NDUFA10: variants seen among roughly 807,000 people sequenced by gnomAD.
NDUFA10 encodes the protein NADH:ubiquinone oxidoreductase subunit A10, also known as NADH dehydrogenase [ubiquinone] 1 alpha subcomplex subunit 10, mitochondrial.
In NDUFA10, 40 loss-of-function variants were observed where a neutral mutation model predicts 47.8. The observed-to-expected ratio is 0.84, with a 90% CI of 0.65 to 1.09. The LOEUF (loss-of-function observed/expected upper bound fraction) is 1.09. NDUFA10 is among the 50% of genes least tolerant of loss of function. The pLI is 0.00. For missense variants in NDUFA10, 413 were observed against 451.1 expected, an observed-to-expected ratio of 0.92 and a Z score of 0.76; for synonymous variants, 183 against 172.2, an observed-to-expected ratio of 1.06 and a Z score of -0.49.
chr2:240,013,129 G>A (rs1232481611), intron 5 of NDUFA10: 1 of 152,216 alleles, frequency 6.6e-6, no homozygotes, highest in Admixed American at 6.5e-5. Context: ...AAAATATGTA[G>A]TTATTGATCA....
chr2:239,926,916 C>T (rs56101578), intron 4 of NDUFA10, among the ~76,000 whole-genome samples: 2,895 of 152,284 alleles, frequency 0.019, 46 homozygotes, highest in Non-Finnish European at 0.029. Flanking sequence ...AAGCAAGACA[C>T]GTCTTACATG....
At position 239,906,142 on chromosome 2, in the gene NDUFA10, C is replaced by T. The variant is rs973094544; in HGVS notation, c.295-10828G>A. Among the ~76,000 whole-genome samples the T allele has an allele frequency of 2.0e-5, 3 of 152,128 alleles. No individual in the cohort carries two copies. Among genetic ancestry groups the T allele is most frequent in the African/African-American group, 7.2e-5 (3 of 41,410 alleles). On this transcript the variant is annotated intron_variant, in intron 4 of 5. Transcript: ENST00000419408. The surrounding 1 kb of genome is among the most constrained non-coding windows in gnomAD (Gnocchi z 4.3). Reference sequence around the variant, plus strand: ...TGACCTTCGGGGGCTCTGGGCGGGCCCTGCTCTGTGCCTAGATATTTCACA... The same window carrying T: ...TGACCTTCGGGGGCTCTGGGCGGGCTCTGCTCTGTGCCTAGATATTTCACA...
intron 9 of NDUFA10, chr2:239,969,897 G>C: frequency 4.9e-6 from 2 of 404,314 alleles, no homozygotes; most frequent in South Asian, 3.7e-5. Context: ...CAGAGTCACA[G>C]GGACCTGTGG....
intron 4 of NDUFA10, among the ~76,000 whole-genome samples, chr2:239,923,460 A>G (rs969700104): frequency 6.6e-5 from 10 of 152,240 alleles, no homozygotes; most frequent in South Asian, 2.1e-4. Context: ...GAAGAAATCA[A>G]TAACAAAAAG....
At chr2:240,018,722 G>A in intron 3 of NDUFA10, 83 bp from the exon 4 acceptor site, 2 of 1,364,212 alleles carry the variant, frequency 1.5e-6, no homozygotes, top group Non-Finnish European at 2.1e-6. Context: ...CCAGAGAAAA[G>A]AAAATAACAA....
At chr2:239,993,275 T>G (rs1696327266) in intron 8 of NDUFA10, among the ~76,000 whole-genome samples, 1 of 152,236 alleles carries the variant, frequency 6.6e-6, no homozygotes, top group South Asian at 2.1e-4. Flanking sequence ...CACAATCCCT[T>G]GTCTCCGTAA....
At chr2:240,005,122 G>A in intron 8 of NDUFA10, 88 bp downstream of exon 8, 2 of 1,222,546 alleles carry the variant, frequency 1.6e-6, no homozygotes, top group South Asian at 2.4e-5. Context: ...CACCTAACTT[G>A]AAACATAATT....
At chr2:239,949,000 C>T (rs1694503991) in intron 4 of NDUFA10, among the ~76,000 whole-genome samples, 1 of 152,292 alleles carries the variant, frequency 6.6e-6, no homozygotes, top group East Asian at 1.9e-4. Context: ...CTTCCTTGCT[C>T]CCCTGGAGCC....
At chr2:239,951,507 G>C (rs74864209) in intron 4 of NDUFA10, among the ~76,000 whole-genome samples, 3,224 of 152,238 alleles carry the variant, frequency 0.021, 117 homozygotes, top group African/African-American at 0.074. Flanking sequence ...CCGTGTCCCA[G>C]GGATGCCTGG....
Position 239,961,149 on chromosome 2 carries a change from T to C in NDUFA10, c.1037A>G (p.Glu346Gly). Reference sequence around the variant, plus strand: ...CAGCCAGATCCACTTGTCTCCCACCTCGGTGTTGTACCCAGGGCTGTACTT... The same window carrying C: ...CAGCCAGATCCACTTGTCTCCCACCCCGGTGTTGTACCCAGGGCTGTACTT... ...GRKYSPGYNT[E>G]VGDKWIWLK Residue 346 changes from glutamate (E) to glycine (G), a missense_variant, in exon 10 of 10, where the codon GAG becomes GGG. Glu to Gly is a moderately conservative substitution (Grantham distance 98). Coordinates refer to ENST00000252711, the MANE Select transcript of NDUFA10 (RefSeq NM_004544.4). 6.2e-7 allele frequency: 1 copy of C among 1,614,112 alleles called. No homozygotes were observed. Among genetic ancestry groups the C allele is most frequent in the Middle Eastern group, 1.6e-4 (1 of 6,062 alleles).
chr2:239,902,807 G>A (rs1200182799), intron 4 of NDUFA10, among the ~76,000 whole-genome samples: 2 of 152,218 alleles, frequency 1.3e-5, no homozygotes, highest in African/African-American at 2.4e-5. Flanking sequence ...CAGACCTGCA[G>A]TCCAGACCCA....
At chr2:239,973,751 T>C (rs1466577016) in intron 9 of NDUFA10, 1 of 384,198 alleles carries the variant, frequency 2.6e-6, no homozygotes, top group Non-Finnish European at 5.3e-6. Context: ...GTTTAAAACG[T>C]GACTTTAAAA....
At chr2:239,940,547 C>T (rs1363607859) in intron 4 of NDUFA10, among the ~76,000 whole-genome samples, 3 of 152,196 alleles carry the variant, frequency 2.0e-5, no homozygotes, top group African/African-American at 7.2e-5. Flanking sequence ...TAAATTTCTA[C>T]ACAGATCCAT....
At chr2:239,931,542 C>A (rs1694174198) in intron 4 of NDUFA10, among the ~76,000 whole-genome samples, 2 of 152,116 alleles carry the variant, frequency 1.3e-5, no homozygotes, top group African/African-American at 4.8e-5. Flanking sequence ...GTCTCCTCGC[C>A]ACAGCGTCTT....
chr2:239,898,412 A>G (rs1693442030), intron 4 of NDUFA10, among the ~76,000 whole-genome samples: 1 of 152,170 alleles, frequency 6.6e-6, no homozygotes, highest in South Asian at 2.1e-4. Context: ...GCCCCGAGGG[A>G]GCTGCCTACA....
At chr2:240,005,439 G>C (rs541425683) in intron 7 of NDUFA10, 144 bp from the exon 8 acceptor site, 2 of 695,290 alleles carry the variant, frequency 2.9e-6, no homozygotes, top group East Asian at 2.9e-5. Context: ...GCCTTGGCCT[G>C]CTGGGCTCAA....
At chr2:239,973,218 T>C (rs572448737) in intron 9 of NDUFA10, among the ~76,000 whole-genome samples, 2 of 152,122 alleles carry the variant, frequency 1.3e-5, no homozygotes, top group Non-Finnish European at 2.9e-5. Flanking sequence ...TTAAGTAACT[T>C]ATAAACTGAA....
intron 7 of NDUFA10, 105 bp downstream of exon 7, chr2:240,007,211 T>C: frequency 3.5e-6 from 3 of 847,274 alleles, no homozygotes; most frequent in Non-Finnish European, 3.9e-6. Context: ...AAAACAGTGA[T>C]GTTTGTTAAG....
At chr2:239,949,617 C>T (rs938847807) in intron 4 of NDUFA10, among the ~76,000 whole-genome samples, 2 of 152,208 alleles carry the variant, frequency 1.3e-5, no homozygotes, top group African/African-American at 4.8e-5. Flanking sequence ...CCTCAGCCTC[C>T]CACATAGCTG....
Sources: allele counts gnomAD v4.1 joint callset (sites outside exome capture counted in the v4.1 genomes callset), GRCh38; gene constraint gnomAD v4.1.1; non-coding constraint Gnocchi (gnomAD v3.1); transcripts MANE v1.5; gene names NCBI Gene and HGNC (gene_info 2026-07-23, HGNC 2026-07-21).